RYR2: variants seen among roughly 807,000 people sequenced by gnomAD.
The protein encoded by RYR2 is cardiac muscle ryanodine receptor-calcium release channel.
RYR2 carries 227 observed loss-of-function variants against 601.1 expected under a neutral mutation model. The ratio of observed to expected loss-of-function variants is 0.38; its 90% CI spans 0.34 to 0.42. The LOEUF (loss-of-function observed/expected upper bound fraction) is 0.42, where lower values mean the gene tolerates loss of function less well. RYR2 is among the 10% of genes least tolerant of loss of function. The pLI, the probability that RYR2 is intolerant of heterozygous loss-of-function variation, is 1.00. For synonymous variants in RYR2, 2,223 were observed against 2,175.1 expected (o/e 1.02, Z -0.61); for missense variants, 4,646 against 6,156.5 (o/e 0.75, Z 8.21).
At chr1:237,090,693 T>A (rs1666864794) in intron 1 of RYR2, among the ~76,000 whole-genome samples, 1 of 152,250 alleles carries the variant, frequency 6.6e-6, no homozygotes, top group South Asian at 2.1e-4. Context: ...TTGGGTGTCC[T>A]TGGTTATAAA....
At chr1:237,434,539 A>G (rs971220961) in intron 12 of RYR2, among the ~76,000 whole-genome samples, 11 of 152,170 alleles carry the variant, frequency 7.2e-5, no homozygotes, top group African/African-American at 2.7e-4. Context: ...GTGTGTTGAA[A>G]TGTTTGTTTT....
chr1:237,715,137 T>A (rs1689169008), intron 71 of RYR2, among the ~76,000 whole-genome samples: 1 of 151,958 alleles, frequency 6.6e-6, no homozygotes. Context: ...ATGCACAGAT[T>A]GAAAATGAAA....
intron 71 of RYR2, among the ~76,000 whole-genome samples, chr1:237,716,650 A>G (rs1178185499): frequency 1.3e-5 from 2 of 152,174 alleles, no homozygotes; most frequent in Admixed American, 6.5e-5. Flanking sequence ...TCCAATGAGT[A>G]TATTACTTCT....
chr1:237,193,851 C>A (rs1680274314), intron 1 of RYR2, among the ~76,000 whole-genome samples: 2 of 151,534 alleles, frequency 1.3e-5, no homozygotes, highest in African/African-American at 4.8e-5. Context: ...GTATTTGTTA[C>A]ATCTCTGTCA....
At chr1:237,099,048 C>T (rs1189783514) in intron 1 of RYR2, among the ~76,000 whole-genome samples, 1 of 151,838 alleles carries the variant, frequency 6.6e-6, no homozygotes, top group Non-Finnish European at 1.5e-5. Context: ...CACCTTCTCC[C>T]GATAAATGAA....
intron 35 of RYR2, among the ~76,000 whole-genome samples, chr1:237,606,501 G>A (rs10159179): frequency 0.091 from 13,809 of 152,190 alleles, 878 homozygotes; most frequent in East Asian, 0.17. Flanking sequence ...TCAGGACATA[G>A]GCGTGGGCAA....
chr1:237,771,287 C>T (rs531380862), intron 85 of RYR2, among the ~76,000 whole-genome samples: 1 of 151,838 alleles, frequency 6.6e-6, no homozygotes, highest in South Asian at 2.1e-4. Flanking sequence ...GGTGCGTGCT[C>T]ATAGTCCCAT....
At chr1:237,582,683 T>G (rs1674058514) in intron 29 of RYR2, among the ~76,000 whole-genome samples, 1 of 152,138 alleles carries the variant, frequency 6.6e-6, no homozygotes, top group Non-Finnish European at 1.5e-5. Context: ...GTGTTTGGCT[T>G]TCTGTTCCTG....
intron 1 of RYR2, among the ~76,000 whole-genome samples, chr1:237,069,098 T>C (rs1663998468): frequency 6.6e-6 from 1 of 152,194 alleles, no homozygotes; most frequent in Non-Finnish European, 1.5e-5. Context: ...TTAAAAATGA[T>C]ATTAAATTCT....
chr1:237,246,716 T>C (rs1319078734), intron 1 of RYR2, among the ~76,000 whole-genome samples: 1 of 152,220 alleles, frequency 6.6e-6, no homozygotes, highest in Admixed American at 6.5e-5. Flanking sequence ...TTAAAAGTAA[T>C]TGAATCTTCC....
Position 237,075,110 on chromosome 1 carries a change from A to T in RYR2, c.48+32541A>T, listed in dbSNP as rs1356238868. On this transcript the variant is annotated intron_variant, in intron 1 of 104. Transcript: ENST00000366574. ...TTTATGCTTGGATATCACTGCGTGA[A>T]TTTAAAATCTGAGCCTCTAAGCAAC... 4.9e-4 allele frequency among the ~76,000 whole-genome samples: 75 copies of T among 152,290 alleles called. 1 individual carries two copies. The highest frequency in any genetic ancestry group is 4.4e-5 in the Non-Finnish European group (3 of 68,030).
rs1344267182 is a variant in RYR2, at chr1:237,556,446, G to A, written c.3214+5755G>A. The stretch of plus-strand genomic sequence containing the variant: ...CTCCCGAGTAGCTGGGACTACATGC[G>A]CCTGCCACGAGGCCCGGCTAATTTT... On this transcript the variant is annotated intron_variant, in intron 27 of 104. Coordinates refer to ENST00000366574, the MANE Select transcript of RYR2 (RefSeq NM_001035.3). Among the ~76,000 whole-genome samples, 13 of 148,720 alleles carry A rather than the reference G, an allele frequency of 8.7e-5. No individual in the cohort carries two copies. The East Asian group carries it at 1.0e-3, about 11-fold the overall frequency.
intron 3 of RYR2, among the ~76,000 whole-genome samples, chr1:237,339,666 T>C (rs1213392794): frequency 6.6e-6 from 1 of 152,156 alleles, no homozygotes; most frequent in Non-Finnish European, 1.5e-5. Context: ...AAGATTCAGA[T>C]TTAGTTGATC....
chr1:237,561,237 C>G (rs1671422700), intron 27 of RYR2, among the ~76,000 whole-genome samples: 1 of 152,102 alleles, frequency 6.6e-6, no homozygotes, highest in Non-Finnish European at 1.5e-5. Context: ...GAACAGTGAG[C>G]AATGAGAATA....
At chr1:237,268,429 A>G (rs992484601) in intron 1 of RYR2, among the ~76,000 whole-genome samples, 3 of 152,168 alleles carry the variant, frequency 2.0e-5, no homozygotes, top group Admixed American at 2.0e-4. Context: ...TTATAGCCAC[A>G]CTGCACATGA....
Position 237,569,132 on chromosome 1 carries a change from G to C in RYR2, c.3424-13G>C, listed in dbSNP as rs770738850. 2 of 1,603,460 alleles carry C rather than the reference G, an allele frequency of 1.2e-6. No individual in the cohort carries two copies. The highest frequency in any genetic ancestry group is 3.4e-5 in the Admixed American group (2 of 59,566). On this transcript the variant is annotated splice_polypyrimidine_tract_variant and intron_variant, in intron 28 of 104. Coordinates refer to ENST00000366574, the MANE Select transcript of RYR2 (RefSeq NM_001035.3). The stretch of plus-strand genomic sequence containing the variant: ...TTAGTCTGTGACAAGGGACTTTTCT[G>C]TCCTCTGTATAGGCCCAGCGGTGGC...
chr1:237,763,057 A>C (rs1693556287), intron 84 of RYR2, among the ~76,000 whole-genome samples: 1 of 152,146 alleles, frequency 6.6e-6, no homozygotes, highest in Non-Finnish European at 1.5e-5. Flanking sequence ...TTCCATCATT[A>C]TGCATCCTGT....
intron 1 of RYR2, among the ~76,000 whole-genome samples, chr1:237,140,169 C>T (rs547993889): frequency 1.1e-4 from 17 of 152,330 alleles, no homozygotes; most frequent in East Asian, 7.7e-4. Context: ...TTACACCTAA[C>T]GTCTTTTTTG....
chr1:237,793,297 G>A (rs1054946121), intron 94 of RYR2, among the ~76,000 whole-genome samples: 4 of 152,194 alleles, frequency 2.6e-5, no homozygotes, highest in Admixed American at 6.5e-5. Flanking sequence ...TCTGTGCCTT[G>A]TGTAAAGTCT....
Sources: allele counts gnomAD v4.1 joint callset (sites outside exome capture counted in the v4.1 genomes callset), GRCh38; gene constraint gnomAD v4.1.1; transcripts MANE v1.5; gene names NCBI Gene and HGNC (gene_info 2026-07-23, HGNC 2026-07-21).